Variants in DLG5 observed in about 807,000 individuals in gnomAD.
The protein encoded by DLG5 is disks large homolog 5.
DLG5 carries 48 observed loss-of-function variants against 189.8 expected under a neutral mutation model. The ratio of observed to expected loss-of-function variants is 0.25; its 90% CI spans 0.20 to 0.32. DLG5 has a LOEUF of 0.32. Among genes scored for constraint, DLG5 ranks in the 10% least tolerant of loss-of-function variants. DLG5 has a pLI of 1.00. For synonymous variants in DLG5, 1,016 were observed against 1,054.1 expected, an observed-to-expected ratio of 0.96 and a Z score of 0.70; for missense variants, 2,160 against 2,544.7, an observed-to-expected ratio of 0.85 and a Z score of 3.25.
intron 6 of DLG5, among the ~76,000 whole-genome samples, chr10:77,842,961 G>A (rs948625809): frequency 5.3e-5 from 8 of 152,158 alleles, no homozygotes; most frequent in Non-Finnish European, 1.0e-4. Flanking sequence ...CAGAGAACTG[G>A]TGATTCACAG....
chr10:77,803,704 G>A (rs550099769), intron 27 of DLG5, among the ~76,000 whole-genome samples: 1 of 152,212 alleles, frequency 6.6e-6, no homozygotes, highest in East Asian at 1.9e-4. Flanking sequence ...GAGCTAAAAG[G>A]AAGAATAGAC....
intron 1 of DLG5, among the ~76,000 whole-genome samples, chr10:77,897,271 G>C (rs1337236888): frequency 6.6e-6 from 1 of 152,082 alleles, no homozygotes; most frequent in Non-Finnish European, 1.5e-5. Flanking sequence ...CGGGAGAATA[G>C]CTTGAACCTG....
intron 1 of DLG5, among the ~76,000 whole-genome samples, chr10:77,905,961 A>T (rs1846060090): frequency 6.6e-6 from 1 of 152,194 alleles, no homozygotes. Flanking sequence ...ATTTAAATAC[A>T]TCATGCTGCC....
the DLG5 span, among the ~76,000 whole-genome samples, chr10:77,932,638 TA>T: frequency 6.6e-6 from 1 of 151,854 alleles, no homozygotes; most frequent in South Asian, 2.1e-4. Context: ...CTATAAAAAA[TA>T]AAAAAGGAGA....
upstream of DLG5, chr10:77,926,887 G>A: frequency 6.0e-6 from 2 of 331,818 alleles, no homozygotes; most frequent in Non-Finnish European, 1.2e-5. The surrounding 1 kb of genome is among the most constrained non-coding windows in gnomAD (Gnocchi z 5.2). Context: ...CGCGCCGCCC[G>A]CCCCGCGAGA....
chr10:77,914,984 T>C (rs1238540367), intron 1 of DLG5, among the ~76,000 whole-genome samples: 3 of 152,148 alleles, frequency 2.0e-5, no homozygotes, highest in Non-Finnish European at 4.4e-5. Context: ...TATAAAATAA[T>C]GACTACTAGC....
intron 29 of DLG5, among the ~76,000 whole-genome samples, chr10:77,795,459 G>A (rs144862627): frequency 6.6e-6 from 1 of 152,268 alleles, no homozygotes; most frequent in East Asian, 1.9e-4. Context: ...ACTTTCAGCA[G>A]TGAGAAGCCA....
intron 1 of DLG5, among the ~76,000 whole-genome samples, chr10:77,905,904 C>A (rs1298878996): frequency 6.6e-6 from 1 of 152,236 alleles, no homozygotes; most frequent in East Asian, 1.9e-4. Context: ...CATAATAGCA[C>A]TGCACCATCC....
At chr10:77,798,469 C>G (rs942916329) in intron 27 of DLG5, among the ~76,000 whole-genome samples, 1 of 152,154 alleles carries the variant, frequency 6.6e-6, no homozygotes, top group Non-Finnish European at 1.5e-5. Context: ...TCTCTGATAC[C>G]CCTTCCCCAA....
chr10:77,904,321 G>GACTT (rs1846013369), intron 1 of DLG5, among the ~76,000 whole-genome samples: 1 of 151,174 alleles, frequency 6.6e-6, no homozygotes, highest in African/African-American at 2.4e-5. Flanking sequence ...AGGCGGAAGG[G>GACTT]ACTTGCCTTG....
At chr10:77,838,259 T>C (rs1352723674) in intron 7 of DLG5, among the ~76,000 whole-genome samples, 2 of 151,930 alleles carry the variant, frequency 1.3e-5, no homozygotes, top group African/African-American at 4.8e-5. Context: ...GCAGGGCCCG[T>C]CTAGGAAAGT....
intron 1 of DLG5, among the ~76,000 whole-genome samples, chr10:77,890,544 C>T (rs1273571171): frequency 5.3e-5 from 8 of 152,126 alleles, no homozygotes; most frequent in East Asian, 1.9e-4. Flanking sequence ...CGGCCGGGCA[C>T]GGTGGTTCAC....
At chr10:77,902,777 G>A (rs577512054) in intron 1 of DLG5, among the ~76,000 whole-genome samples, 3 of 151,732 alleles carry the variant, frequency 2.0e-5, no homozygotes, top group South Asian at 4.2e-4. Flanking sequence ...GGAGAATGGC[G>A]TGAACCCAGC....
At chr10:77,840,869 G>A (rs1843384443) in intron 7 of DLG5, among the ~76,000 whole-genome samples, 1 of 152,208 alleles carries the variant, frequency 6.6e-6, no homozygotes, top group Non-Finnish European at 1.5e-5. Flanking sequence ...TCGGTTGAAA[G>A]ACATGCTGGT....
chr10:77,801,510 G>A (rs1841203780), intron 27 of DLG5, among the ~76,000 whole-genome samples: 1 of 152,220 alleles, frequency 6.6e-6, no homozygotes, highest in Non-Finnish European at 1.5e-5. Flanking sequence ...GGCAAGGTCA[G>A]CACAGAAGCA....
chr10:77,824,596 C>A, intron 13 of DLG5, 120 bp from the exon 14 acceptor site: 1 of 732,404 alleles, frequency 1.4e-6, no homozygotes, highest in South Asian at 1.8e-5. Flanking sequence ...GTGCCAAAGT[C>A]AGGAGTTGGC....
chr10:77,851,191 C>G (rs1206373054), intron 5 of DLG5, among the ~76,000 whole-genome samples: 1 of 152,256 alleles, frequency 6.6e-6, no homozygotes, highest in African/African-American at 2.4e-5. Context: ...CCATCCTTAC[C>G]TGCTTCACAC....
chr10:77,834,718 C>T (rs1843041400), intron 8 of DLG5, among the ~76,000 whole-genome samples: 1 of 152,092 alleles, frequency 6.6e-6, no homozygotes, highest in Non-Finnish European at 1.5e-5. Context: ...TCCACAGCCT[C>T]GAATCTCCCC....
chr10:77,911,851 T>C (rs1034682099), intron 1 of DLG5, among the ~76,000 whole-genome samples: 1 of 151,786 alleles, frequency 6.6e-6, no homozygotes, highest in Non-Finnish European at 1.5e-5. Context: ...AAACGAACAG[T>C]TCTCTTATGC....
Sources: gnomAD v4.1 joint callset for allele counts (sites outside exome capture counted in the v4.1 genomes callset) on GRCh38, gnomAD v4.1.1 for gene constraint, Gnocchi (gnomAD v3.1) non-coding constraint, MANE v1.5 for transcripts, NCBI Gene and HGNC (gene_info 2026-07-23, HGNC 2026-07-21) for gene names.